GFPT2: variants seen among roughly 807,000 people sequenced by gnomAD.
The protein encoded by GFPT2 is glutamine--fructose-6-phosphate transaminase 2.
A neutral mutation model predicts 85.6 loss-of-function variants in GFPT2; 62 were observed. That is an observed-to-expected ratio of 0.72 (90% confidence interval 0.59 to 0.90). The LOEUF is 0.90. GFPT2 is among the 40% of genes least tolerant of loss of function. The pLI, the probability that GFPT2 is intolerant of heterozygous loss-of-function variation, is 0.00. For synonymous variants in GFPT2, 368 were observed against 344.5 expected, an observed-to-expected ratio of 1.07 and a Z score of -0.75; for missense variants, 788 against 893.4, an observed-to-expected ratio of 0.88 and a Z score of 1.50.
chr5:180,331,119 C>T (rs533930335), intron 5 of GFPT2, among the ~76,000 whole-genome samples: 11 of 152,348 alleles, frequency 7.2e-5, no homozygotes, highest in African/African-American at 2.6e-4. Flanking sequence ...CAAACCCACC[C>T]ACATCCCAAC....
At position 180,313,891 on chromosome 5, in the gene GFPT2, G is replaced by A. The variant is rs377416267; in HGVS notation, c.1347C>T (p.Asn449=). The change falls in exon 14 of 19, where the codon AAC becomes AAT. Residue 449 remains asparagine (N), a synonymous_variant. Coordinates refer to ENST00000253778, the MANE Select transcript of GFPT2 (RefSeq NM_005110.4). ...CGCGAGAGATGGAGCTGCCCACGGT[G>A]TTGGTGACGCCCACGGTGAGAGCGC... ...DRGALTVGVT[N]TVGSSISRET... 6.2e-7 allele frequency: 1 copy of A among 1,607,162 alleles called. No homozygotes were observed.
chr5:180,305,510 C>A (rs1001442431), intron 16 of GFPT2, among the ~76,000 whole-genome samples: 2 of 152,160 alleles, frequency 1.3e-5, no homozygotes. Flanking sequence ...TCAAATAAAT[C>A]ATCTCTCGAC....
intron 1 of GFPT2, among the ~76,000 whole-genome samples, chr5:180,343,696 A>C (rs948946771): frequency 1.3e-5 from 2 of 152,260 alleles, no homozygotes; most frequent in African/African-American, 4.8e-5. Flanking sequence ...AAAACACAGA[A>C]TAAAATGAAG....
At chr5:180,315,214 G>A (rs1581373057) in intron 13 of GFPT2, among the ~76,000 whole-genome samples, 1 of 148,330 alleles carries the variant, frequency 6.7e-6, no homozygotes, top group Non-Finnish European at 1.5e-5. Context: ...GTCTCGCTCT[G>A]TCGCCCAGGC....
chr5:180,330,057 C>T lies in GFPT2; in HGVS notation c.534+643G>A, dbSNP rs1009507375. Among the ~76,000 whole-genome samples the T allele has an allele frequency of 1.3e-5, 2 of 152,198 alleles. No homozygotes were observed. Among genetic ancestry groups the T allele is most frequent in the Admixed American group, 6.5e-5 (1 of 15,284 alleles). ...AAAACAGGCCAGGCACAGTGGCTCA[C>T]GCCTGTAAATCCCAGCATTTTGGGA... On this transcript the variant is annotated intron_variant, in intron 6 of 18. Transcript: ENST00000253778. The surrounding 1 kb of genome is among the most constrained non-coding windows in gnomAD (Gnocchi z 4.4).
At chr5:180,327,134 C>T (rs772771589) in intron 7 of GFPT2, among the ~76,000 whole-genome samples, 5 of 152,206 alleles carry the variant, frequency 3.3e-5, no homozygotes, top group Admixed American at 3.3e-4. Context: ...CCTCTCCGGC[C>T]GTCTCCCAGG....
intron 1 of GFPT2, among the ~76,000 whole-genome samples, chr5:180,344,261 C>T (rs776066034): frequency 1.4e-4 from 21 of 152,186 alleles, no homozygotes; most frequent in African/African-American, 4.8e-4. Flanking sequence ...AAGGGCACCA[C>T]GCCCAGAGGG....
intron 9 of GFPT2, among the ~76,000 whole-genome samples, chr5:180,319,989 T>C (rs750533037): frequency 1.6e-4 from 24 of 152,030 alleles, no homozygotes; most frequent in Admixed American, 8.5e-4. Flanking sequence ...AGGGTCATTG[T>C]GTTTATTTAT....
At chr5:180,311,678 G>C (rs1763883627) in intron 15 of GFPT2, among the ~76,000 whole-genome samples, 1 of 151,980 alleles carries the variant, frequency 6.6e-6, no homozygotes, top group Non-Finnish European at 1.5e-5. Flanking sequence ...GAGCCGACAT[G>C]TTAGTTGGGG....
intron 1 of GFPT2, among the ~76,000 whole-genome samples, chr5:180,348,520 A>C (rs1764653028): frequency 6.6e-6 from 1 of 152,200 alleles, no homozygotes; most frequent in African/African-American, 2.4e-5. Flanking sequence ...CCAGGCTCTT[A>C]CAGAAAGACA....
intron 7 of GFPT2, among the ~76,000 whole-genome samples, chr5:180,326,077 C>T (rs1274203839): frequency 6.6e-6 from 1 of 152,050 alleles, no homozygotes; most frequent in Non-Finnish European, 1.5e-5. Flanking sequence ...TAAATGATAT[C>T]CTGATTCCAA....
intron 1 of GFPT2, among the ~76,000 whole-genome samples, chr5:180,341,385 G>A (rs1764512002): frequency 6.6e-6 from 1 of 152,136 alleles, no homozygotes; most frequent in South Asian, 2.1e-4. Context: ...AAGAAGATCA[G>A]ATTCATGTCA....
At chr5:180,321,457 G>A (rs1310940578) in intron 9 of GFPT2, among the ~76,000 whole-genome samples, 3 of 152,240 alleles carry the variant, frequency 2.0e-5, no homozygotes, top group East Asian at 1.9e-4. Flanking sequence ...CCAGACCTGT[G>A]CCCGTGGGCA....
Position 180,330,724 on chromosome 5 carries a change from C to T in GFPT2, c.510G>A (p.Leu170=), listed in dbSNP as rs1254068753. ...CCAACTGCTGAATGACTCTCTCGAC[C>T]AACGTTGAAAACGTAATGTCCTCAG... ...RETEDITFST[L]VERVIQQLEG... Residue 170 remains leucine, a synonymous_variant, in exon 6 of 19, where the codon TTG becomes TTA. Transcript: ENST00000253778. This position sits in a 1 kb window ranked among gnomAD's most constrained non-coding sequence, Gnocchi z 4.4. 6.2e-7 allele frequency: 1 copy of T among 1,613,042 alleles called. No individual in the cohort carries two copies. The highest frequency in any genetic ancestry group is 1.1e-5 in the South Asian group (1 of 91,048).
intron 13 of GFPT2, among the ~76,000 whole-genome samples, chr5:180,315,159 G>A (rs546306595): frequency 6.6e-6 from 1 of 151,996 alleles, no homozygotes; most frequent in African/African-American, 2.4e-5. Flanking sequence ...TAGTAACACC[G>A]TGGTCATACG....
intron 17 of GFPT2, among the ~76,000 whole-genome samples, chr5:180,302,889 G>C (rs1323520309): frequency 1.3e-5 from 2 of 152,166 alleles, no homozygotes; most frequent in African/African-American, 4.8e-5. Flanking sequence ...GGGGCTCATA[G>C]TCTAGTGGTA....
At chr5:180,319,763 AC>A (rs1166778322) in intron 9 of GFPT2, among the ~76,000 whole-genome samples, 1 of 152,192 alleles carries the variant, frequency 6.6e-6, no homozygotes, top group Non-Finnish European at 1.5e-5. Context: ...AAAAAATCAA[AC>A]CTGAATAAGA....
Position 180,309,199 on chromosome 5 carries a change from T to C in GFPT2, c.1547-1896A>G, listed in dbSNP as rs537102933. ...AGAGAAGTCTTTAAATGTTAGGAAC[T>C]GGTCAAGCTCATGGTAACAGAGGTG... On this transcript the variant is annotated intron_variant, in intron 15 of 18. Transcript: ENST00000253778. Among the ~76,000 whole-genome samples the C allele has an allele frequency of 2.0e-5, 3 of 152,118 alleles. No homozygotes were observed. In the South Asian group the frequency reaches 6.2e-4, roughly 32 times the overall value.
At chr5:180,339,360 C>T (rs1248778859) in intron 1 of GFPT2, among the ~76,000 whole-genome samples, 6 of 125,944 alleles carry the variant, frequency 4.8e-5, no homozygotes, top group Admixed American at 4.0e-4. Flanking sequence ...AGCCTGGCGA[C>T]AGAGCTAGAC....
Sources: gnomAD v4.1 joint callset for allele counts (sites outside exome capture counted in the v4.1 genomes callset) on GRCh38, gnomAD v4.1.1 for gene constraint, Gnocchi (gnomAD v3.1) non-coding constraint, MANE v1.5 for transcripts, NCBI Gene and HGNC (gene_info 2026-07-23, HGNC 2026-07-21) for gene names.